ATRX: variants seen among roughly 807,000 people sequenced by gnomAD.
ATRX encodes the protein chromatin remodeler ATRX.
In ATRX, 12 loss-of-function variants were observed where a neutral mutation model predicts 172.6. That is an observed-to-expected ratio of 0.07 (90% CI 0.04 to 0.11). The LOEUF (loss-of-function observed/expected upper bound fraction) is 0.11. Ranked by LOEUF, ATRX falls within the 10% of genes least tolerant of loss-of-function variation. The probability of loss-of-function intolerance (pLI) is 1.00; values close to 1 mark genes in which losing one functional copy is unlikely to be tolerated. For synonymous variants in ATRX, 674 were observed against 594.7 expected, an observed-to-expected ratio of 1.13 and a Z score of -1.94; for missense variants, 1,368 against 1,767.4, an observed-to-expected ratio of 0.77 and a Z score of 4.05.
At chrX:77,734,744 T>C (rs2074461856) in intron 1 of ATRX, among the ~76,000 whole-genome samples, 1 of 109,204 alleles carries the variant, frequency 9.2e-6, no homozygotes, top group Non-Finnish European at 1.9e-5. Context: ...TGAGATGAGA[T>C]AGCACCACTG....
chrX:77,682,496 A>G lies in ATRX; in HGVS notation c.2760T>C (p.Gly920=). Residue 920 remains glycine (G), a synonymous_variant, in exon 9 of 35, where the codon GGT becomes GGC. Coordinates refer to ENST00000373344, the MANE Select transcript of ATRX (RefSeq NM_000489.6). ...CCTCTTTCCCAGAAAGCTTATCGAC[A>G]CCATCAGTGGAAGCACTTGCTTGCT... ...KKQQASASTD[G]VDKLSGKEES... The G allele has an allele frequency of 4.1e-6, 5 of 1,211,562 alleles. No individual in the cohort carries two copies. The highest frequency in any genetic ancestry group is 4.5e-6 in the Non-Finnish European group (4 of 895,401).
intron 15 of ATRX, among the ~76,000 whole-genome samples, chrX:77,637,457 GAAGTA>G (rs2068438483): frequency 9.0e-6 from 1 of 111,080 alleles, no homozygotes; most frequent in South Asian, 3.8e-4. Context: ...GAGGGACAGA[GAAGTA>G]AAGTAACCTG....
At chrX:77,781,988 A>C (rs920868296) in intron 1 of ATRX, among the ~76,000 whole-genome samples, 1 of 112,118 alleles carries the variant, frequency 8.9e-6, no homozygotes, top group African/African-American at 3.2e-5. Context: ...CATTTATCTT[A>C]TCTCTAGAAA....
chrX:77,535,526 A>G (rs1306577780), intron 30 of ATRX, among the ~76,000 whole-genome samples: 1 of 112,043 alleles, frequency 8.9e-6, no homozygotes, highest in Non-Finnish European at 1.9e-5. Flanking sequence ...TAGATTTTAT[A>G]TGACTGCAGT....
At chrX:77,533,325 CG>C (rs1199073411) in intron 30 of ATRX, among the ~76,000 whole-genome samples, 3 of 111,948 alleles carry the variant, frequency 2.7e-5, no homozygotes, top group Non-Finnish European at 5.6e-5. Flanking sequence ...TACATGCATG[CG>C]TATGTTCACT....
intron 30 of ATRX, among the ~76,000 whole-genome samples, chrX:77,534,296 A>G (rs1210968458): frequency 3.6e-5 from 4 of 112,159 alleles, no homozygotes; most frequent in African/African-American, 6.5e-5. Context: ...TTTTAAATTA[A>G]TAGCAGCATA....
chrX:77,762,110 G>A (rs2075736372), intron 1 of ATRX, among the ~76,000 whole-genome samples: 1 of 109,450 alleles, frequency 9.1e-6, no homozygotes, highest in Non-Finnish European at 1.9e-5. Flanking sequence ...AGACCATCCT[G>A]GCTAACATAA....
intron 27 of ATRX, among the ~76,000 whole-genome samples, chrX:77,588,842 A>C (rs1170285121): frequency 8.9e-6 from 1 of 112,115 alleles, no homozygotes; most frequent in Non-Finnish European, 1.9e-5. Flanking sequence ...AAAGAAGATA[A>C]AGAAATAGTC....
At chrX:77,700,634 C>G (rs1407927949) in intron 2 of ATRX, among the ~76,000 whole-genome samples, 1 of 112,084 alleles carries the variant, frequency 8.9e-6, no homozygotes, top group Non-Finnish European at 1.9e-5. Flanking sequence ...TTAGAAGCAA[C>G]CAAGATGTCC....
At chrX:77,599,957 C>A in intron 23 of ATRX, 137 bp from the exon 24 acceptor site, 1 of 534,036 alleles carries the variant, frequency 1.9e-6, no homozygotes, top group Non-Finnish European at 3.2e-6. Context: ...TTTTAGTAGA[C>A]AAAGAAGACA....
At chrX:77,648,289 T>C (rs187753815) in intron 15 of ATRX, among the ~76,000 whole-genome samples, 58 of 111,498 alleles carry the variant, frequency 5.2e-4, no homozygotes, top group African/African-American at 1.8e-3. Flanking sequence ...TTATAGAATA[T>C]GTCACCCAAC....
At position 77,681,871 on chromosome X, in the gene ATRX, G is replaced by T. The variant is rs1449863190; in HGVS notation, c.3385C>A (p.Leu1129Met). Reference sequence around the variant, plus strand: ...CTTTCCCTCAATTCTATTCTTTTCAGTCTCTTATCAGAAGAGTTACAACCA... The same window carrying T: ...CTTTCCCTCAATTCTATTCTTTTCATTCTCTTATCAGAAGAGTTACAACCA... ...EDGCNSSDKR[L>M]KRIELRERRN... is the part of the protein sequence containing the mutation. Residue 1129 changes from leucine (L) to methionine (M), a missense_variant, in exon 9 of 35, where the codon CTG becomes ATG. Leu to Met is a conservative substitution (Grantham distance 15). This residue lies in a region of ATRX where 843 missense variants were observed against 643.1 expected (regional missense o/e 1.31). Coordinates refer to ENST00000373344, the MANE Select transcript of ATRX (RefSeq NM_000489.6). 8.3e-7 allele frequency: 1 copy of T among 1,206,270 alleles called. No individual in the cohort carries two copies. The highest frequency in any genetic ancestry group is 1.1e-6 in the Non-Finnish European group (1 of 892,834).
chrX:77,632,285 C>G lies in ATRX; in HGVS notation c.5134+922G>C, dbSNP rs1462879137. The stretch of plus-strand genomic sequence containing the variant: ...TTCATGAACAAATAAGTACACTAAG[C>G]ACCTGAAACTGTTGTATTAAACAGT... On this transcript the variant is annotated intron_variant, in intron 19 of 34. Coordinates refer to ENST00000373344, the MANE Select transcript of ATRX (RefSeq NM_000489.6). Among the ~76,000 whole-genome samples, 3 of 110,899 alleles carry G rather than the reference C, an allele frequency of 2.7e-5. No homozygotes were observed. In the East Asian group the frequency reaches 8.4e-4, roughly 31 times the overall value.
At chrX:77,776,260 CATCAAT>C (rs1451365656) in intron 1 of ATRX, among the ~76,000 whole-genome samples, 1 of 111,800 alleles carries the variant, frequency 8.9e-6, no homozygotes, top group Non-Finnish European at 1.9e-5. Flanking sequence ...CTGTCTTGTT[CATCAAT>C]GCACTACTTA....
At chrX:77,699,610 T>C (rs1337095938) in intron 2 of ATRX, 2 of 111,062 alleles carry the variant, frequency 1.8e-5, no homozygotes, top group Admixed American at 9.6e-5. Flanking sequence ...AAAGAGGACA[T>C]TACTACTAAT....
intron 34 of ATRX, among the ~76,000 whole-genome samples, chrX:77,519,644 G>A (rs1397071353): frequency 8.9e-6 from 1 of 111,751 alleles, no homozygotes; most frequent in African/African-American, 3.3e-5. Flanking sequence ...TTATCCAAAA[G>A]ACAGGCAATA....
intron 1 of ATRX, among the ~76,000 whole-genome samples, chrX:77,746,239 C>T (rs2075068578): frequency 9.0e-6 from 1 of 110,644 alleles, no homozygotes; most frequent in African/African-American, 3.3e-5. Context: ...CTTGACTTGA[C>T]GGCTCTGTAA....
chrX:77,765,425 T>C (rs1399510375), intron 1 of ATRX, among the ~76,000 whole-genome samples: 6 of 111,995 alleles, frequency 5.4e-5, no homozygotes, highest in Non-Finnish European at 9.4e-5. Flanking sequence ...CACTTTAAGA[T>C]ACAACAGGTA....
intron 1 of ATRX, among the ~76,000 whole-genome samples, chrX:77,735,808 C>CTAAATAAA (rs201962494): frequency 1.4e-5 from 1 of 70,423 alleles, no homozygotes; most frequent in African/African-American, 5.2e-5. Flanking sequence ...TCTCAAAAAA[C>CTAAATAAA]TAAATAAATA....
Sources: gnomAD v4.1 joint callset for allele counts (sites outside exome capture counted in the v4.1 genomes callset) on GRCh38, gnomAD v4.1.1 for gene constraint, gnomAD v4.1.1 regional missense constraint, MANE v1.5 for transcripts, NCBI Gene and HGNC (gene_info 2026-07-23, HGNC 2026-07-21) for gene names.